Variants in WWC2 observed in about 807,000 individuals in gnomAD.
The protein encoded by WWC2 is protein WWC2.
WWC2 carries 101 observed loss-of-function variants against 138.5 expected under a neutral mutation model. That is an observed-to-expected ratio of 0.73 (90% CI 0.62 to 0.86). The LOEUF is 0.86. Ranked by LOEUF, WWC2 falls within the 40% of genes least tolerant of loss-of-function variation. WWC2 has a pLI of 0.00. For synonymous variants in WWC2, 558 were observed against 538.4 expected, an observed-to-expected ratio of 1.04 and a Z score of -0.50; for missense variants, 1,420 against 1,419.4, an observed-to-expected ratio of 1.00 and a Z score of -0.01.
chr4:183,213,880 A>G (rs1211346770), intron 4 of WWC2, among the ~76,000 whole-genome samples: 3 of 152,142 alleles, frequency 2.0e-5, no homozygotes, highest in African/African-American at 4.8e-5. Context: ...TTGGGTTAAA[A>G]TATAAACTGT....
chr4:183,213,147 C>G (rs1225663277), intron 4 of WWC2, among the ~76,000 whole-genome samples: 1 of 152,208 alleles, frequency 6.6e-6, no homozygotes, highest in Non-Finnish European at 1.5e-5. Flanking sequence ...TCCTCACAGA[C>G]TGTGTTGCTG....
At chr4:183,164,783 A>G (rs751535739) in intron 1 of WWC2, among the ~76,000 whole-genome samples, 10 of 152,118 alleles carry the variant, frequency 6.6e-5, no homozygotes, top group Non-Finnish European at 1.3e-4. Context: ...TGTTTTCAAG[A>G]GACCAGGCAA....
chr4:183,143,348 C>T (rs914824475), intron 1 of WWC2, among the ~76,000 whole-genome samples: 31 of 152,242 alleles, frequency 2.0e-4, no homozygotes, highest in African/African-American at 5.5e-4. Flanking sequence ...TACTCCTTCT[C>T]AACAGCTTCT....
At chr4:183,140,969 T>C (rs571628841) in intron 1 of WWC2, among the ~76,000 whole-genome samples, 20 of 152,324 alleles carry the variant, frequency 1.3e-4, no homozygotes, top group African/African-American at 4.8e-4. Context: ...AGTATTATTT[T>C]GGGAGTAAAA....
chr4:183,181,217 G>T (rs1396444955), intron 1 of WWC2, among the ~76,000 whole-genome samples: 1 of 152,192 alleles, frequency 6.6e-6, no homozygotes, highest in Non-Finnish European at 1.5e-5. Context: ...AATCATCTCT[G>T]TGTGAGCATT....
At chr4:183,183,460 C>A (rs1442607893) in intron 1 of WWC2, among the ~76,000 whole-genome samples, 1 of 152,126 alleles carries the variant, frequency 6.6e-6, no homozygotes, top group Non-Finnish European at 1.5e-5. Flanking sequence ...TGCCCCACAT[C>A]CTCACCAGAG....
At chr4:183,165,687 A>C (rs1734111811) in intron 1 of WWC2, among the ~76,000 whole-genome samples, 1 of 152,212 alleles carries the variant, frequency 6.6e-6, no homozygotes, top group African/African-American at 2.4e-5. Context: ...ACATTTAATT[A>C]CTGTTACAAA....
Position 183,193,625 on chromosome 4 carries a change from A to G in WWC2, c.158A>G (p.Asp53Gly), listed in dbSNP as rs777799712. The change falls in exon 2 of 23, where the codon GAT becomes GGT. Residue 53 changes from aspartate (D) to glycine (G), a missense_variant. Transcript: ENST00000403733. ...DRLTKPLSFA[D>G]CVGDELPWGW... Reference sequence around the variant, plus strand: ...TTAACGAAGCCCTTGTCATTTGCTGATTGTGTTGGGGATGAGCTGCCGTGG... The same window carrying G: ...TTAACGAAGCCCTTGTCATTTGCTGGTTGTGTTGGGGATGAGCTGCCGTGG... 1 of 1,613,778 alleles carries G rather than the reference A, an allele frequency of 6.2e-7. No individual in the cohort carries two copies. Among genetic ancestry groups the G allele is most frequent in the South Asian group, 1.1e-5 (1 of 91,054 alleles).
chr4:183,308,085 ATGCACTAG>A (rs1346642809), intron 21 of WWC2, among the ~76,000 whole-genome samples: 3 of 152,210 alleles, frequency 2.0e-5, no homozygotes, highest in Non-Finnish European at 4.4e-5. Flanking sequence ...TATACCAGCA[ATGCACTAG>A]TGGAATTTGA....
intron 1 of WWC2, among the ~76,000 whole-genome samples, chr4:183,109,836 T>C (rs1403746403): frequency 6.6e-6 from 1 of 152,250 alleles, no homozygotes; most frequent in Non-Finnish European, 1.5e-5. Flanking sequence ...AGGAGCTGTC[T>C]TGTATCTCAT....
Position 183,209,398 on chromosome 4 carries a change from T to A in WWC2, c.522+373T>A, listed in dbSNP as rs186241077. Among the ~76,000 whole-genome samples the A allele has an allele frequency of 4.6e-4, 70 of 152,256 alleles. 1 individual carries two copies. The East Asian group carries it at 9.5e-3, about 21-fold the overall frequency. ...GCGTGCCACTATGCACAACTAATTT[T>A]AGTATTTTTAGTAGAGATGGGGTTT... On this transcript the variant is annotated intron_variant, in intron 4 of 22. Transcript: ENST00000403733.
chr4:183,208,468 C>T (rs1197173154), intron 3 of WWC2, among the ~76,000 whole-genome samples: 2 of 152,112 alleles, frequency 1.3e-5, no homozygotes, highest in African/African-American at 4.8e-5. Context: ...CTTTTTGCTA[C>T]TTTTGTACAA....
rs1743089787 is a variant in WWC2, at chr4:183,099,527, G to T, written c.36G>T (p.Leu12=). 7.1e-7 allele frequency: 1 copy of T among 1,399,996 alleles called. No homozygotes were observed. Among genetic ancestry groups the T allele is most frequent in the Non-Finnish European group, 9.4e-7 (1 of 1,059,920 alleles). The allele number at this position is 1,399,996 out of a possible 1,614,324, so 86.7% of individuals were successfully genotyped here. The change falls in exon 1 of 23, where the codon CTG becomes CTT. Residue 12 remains leucine, a synonymous_variant. Coordinates refer to ENST00000403733, the MANE Select transcript of WWC2 (RefSeq NM_024949.6). ...GGGCCGGGAGCGGTCAGCTGCCGCT[G>T]CCCCGGGGCTGGGAGGAGGCCAGGG... ...PRRAGSGQLP[L]PRGWEEARDY...
intron 1 of WWC2, among the ~76,000 whole-genome samples, chr4:183,101,157 A>G (rs1743168322): frequency 6.6e-6 from 1 of 152,252 alleles, no homozygotes; most frequent in African/African-American, 2.4e-5. Flanking sequence ...TAATTGAAAT[A>G]ACAATAAATT....
At chr4:183,230,550 G>A (rs1329892333) in intron 4 of WWC2, among the ~76,000 whole-genome samples, 3 of 152,152 alleles carry the variant, frequency 2.0e-5, no homozygotes, top group Admixed American at 1.3e-4. Flanking sequence ...AGTGGCGCAC[G>A]CCTGTAATCC....
At chr4:183,306,463 AT>A (rs1739025764) in intron 21 of WWC2, among the ~76,000 whole-genome samples, 1 of 152,242 alleles carries the variant, frequency 6.6e-6, no homozygotes, top group African/African-American at 2.4e-5. Context: ...GAGTAGCTAT[AT>A]TAATTTCAGA....
At chr4:183,119,382 G>A (rs1732528171) in intron 1 of WWC2, among the ~76,000 whole-genome samples, 1 of 152,164 alleles carries the variant, frequency 6.6e-6, no homozygotes, top group African/African-American at 2.4e-5. Context: ...ACGAAGTGAA[G>A]AGATGCCCTT....
intron 5 of WWC2, among the ~76,000 whole-genome samples, chr4:183,241,289 T>A (rs1440699509): frequency 7.9e-5 from 12 of 152,236 alleles, no homozygotes; most frequent in Non-Finnish European, 8.8e-5. Flanking sequence ...CTGTGGAATC[T>A]TACTTTACCT....
chr4:183,285,285 G>A (rs746931210), intron 19 of WWC2, among the ~76,000 whole-genome samples: 5 of 152,212 alleles, frequency 3.3e-5, no homozygotes, highest in Admixed American at 1.3e-4. Context: ...TATCTGGGCC[G>A]AGAGCGTTCT....
Sources: gnomAD v4.1 joint callset for allele counts (sites outside exome capture counted in the v4.1 genomes callset) on GRCh38, gnomAD v4.1.1 for gene constraint, MANE v1.5 for transcripts, NCBI Gene and HGNC (gene_info 2026-07-23, HGNC 2026-07-21) for gene names.